The following SCP2 variants were observed in gnomAD, a reference collection of about 807,000 sequenced individuals.
SCP2 encodes sterol carrier protein 2, also known as SCP-2/3-oxoacyl-CoA thiolase.
A neutral mutation model predicts 71.4 loss-of-function variants in SCP2; 48 were observed. The observed-to-expected ratio is 0.67, with a 90% confidence interval of 0.53 to 0.86. SCP2 has a LOEUF of 0.86. Among genes scored for constraint, SCP2 ranks in the 40% least tolerant of loss-of-function variants. The probability of loss-of-function intolerance (pLI) is 0.00; values close to 1 mark genes in which losing one functional copy is unlikely to be tolerated. For missense variants in SCP2, 560 were observed against 655.6 expected (o/e 0.85, Z 1.59); for synonymous variants, 220 against 218.1 (o/e 1.01, Z -0.08).
chr1:52,969,848 A>C (rs546604646), intron 6 of SCP2, among the ~76,000 whole-genome samples: 18 of 123,274 alleles, frequency 1.5e-4, no homozygotes, highest in African/African-American at 2.5e-4. Context: ...AACAAACAAA[A>C]AAAGTGGCCT....
chr1:52,930,039 T>C (rs1652996585), intron 1 of SCP2, among the ~76,000 whole-genome samples: 1 of 152,224 alleles, frequency 6.6e-6, no homozygotes, highest in Admixed American at 6.5e-5. Flanking sequence ...ATTCTACTTA[T>C]CTTTCAAGAA....
intron 14 of SCP2, among the ~76,000 whole-genome samples, chr1:53,044,730 C>T (rs1663678241): frequency 6.6e-6 from 1 of 152,098 alleles, no homozygotes; most frequent in South Asian, 2.1e-4. Flanking sequence ...TAATTGATTG[C>T]CTAAAACGTT....
intron 12 of SCP2, among the ~76,000 whole-genome samples, chr1:53,015,633 C>T (rs919656652): frequency 6.6e-6 from 1 of 152,204 alleles, no homozygotes; most frequent in Admixed American, 6.5e-5. Flanking sequence ...TTTCCTTGTT[C>T]CATGCTTTTG....
chr1:52,971,918 T>A (rs1234160160), intron 6 of SCP2, among the ~76,000 whole-genome samples: 1 of 152,226 alleles, frequency 6.6e-6, no homozygotes, highest in Non-Finnish European at 1.5e-5. Flanking sequence ...AAAGGAGTTC[T>A]GGTTTCTATG....
chr1:52,964,140 C>G (rs1572099241), intron 6 of SCP2, among the ~76,000 whole-genome samples: 1 of 151,262 alleles, frequency 6.6e-6, no homozygotes, highest in East Asian at 1.9e-4. Context: ...ATGAATGTGG[C>G]CAGATTATAA....
At chr1:52,959,939 TG>T (rs1656186635) in intron 5 of SCP2, among the ~76,000 whole-genome samples, 1 of 151,838 alleles carries the variant, frequency 6.6e-6, no homozygotes, top group African/African-American at 2.4e-5. Flanking sequence ...CCGCCCAGGC[TG>T]GAGTGCAATG....
intron 5 of SCP2, among the ~76,000 whole-genome samples, chr1:52,959,873 T>G (rs1656177077): frequency 6.6e-6 from 1 of 151,918 alleles, no homozygotes; most frequent in Non-Finnish European, 1.5e-5. Flanking sequence ...ACGACCAGCT[T>G]TTGTTTTTAC....
At chr1:52,943,676 C>T (rs1654495781) in intron 2 of SCP2, 1 of 429,016 alleles carries the variant, frequency 2.3e-6, no homozygotes, top group Admixed American at 2.8e-5. Context: ...AATAGCTGCA[C>T]TTTGGAAGTG....
rs776111730 is a variant in SCP2 at position 53,014,988 on chromosome 1, A to G, written c.1180A>G (p.Ile394Val). ...GGTGGCTCTGCAGCATAATTTAGGC[A>G]TTGGAGGAGCTGTGGTTGTAACACT... ...AKVALQHNLG[I>V]GGAVVVTLYK... is the part of the protein sequence containing the mutation. Residue 394 changes from isoleucine (I) to valine (V), a missense_variant, in exon 12 of 16, where the codon ATT becomes GTT. By Grantham distance (29) the Ile-to-Val change is conservative. Transcript: ENST00000371514. The G allele has an allele frequency of 6.2e-7, 1 of 1,614,154 alleles. No homozygotes were observed. Among genetic ancestry groups the G allele is most frequent in the Non-Finnish European group, 8.5e-7 (1 of 1,180,014 alleles).
At chr1:52,972,075 C>A (rs759045337) in intron 6 of SCP2, among the ~76,000 whole-genome samples, 1 of 152,144 alleles carries the variant, frequency 6.6e-6, no homozygotes, top group South Asian at 2.1e-4. Flanking sequence ...ATTCTTCATT[C>A]GACAGATTTC....
chr1:52,974,866 C>A, intron 7 of SCP2, 34 bp downstream of exon 7: 1 of 1,011,932 alleles, frequency 9.9e-7, no homozygotes, highest in Non-Finnish European at 1.6e-6. Flanking sequence ...TAATGAAAAT[C>A]TGGGTTATCC....
intron 10 of SCP2, 55 bp from the exon 11 acceptor site, chr1:52,987,974 T>C: frequency 1.1e-6 from 1 of 913,670 alleles, no homozygotes; most frequent in Non-Finnish European, 1.8e-6. Flanking sequence ...TAAAAGCATA[T>C]CATTTGTTCT....
At chr1:52,954,618 G>T (rs1655627537) in intron 4 of SCP2, 122 bp from the exon 5 acceptor site, 2 of 826,932 alleles carry the variant, frequency 2.4e-6, no homozygotes, top group South Asian at 1.4e-5. Flanking sequence ...CCAAACTGAT[G>T]GGACTATAAG....
chr1:53,001,218 A>G (rs1660298172), intron 11 of SCP2, among the ~76,000 whole-genome samples: 1 of 152,158 alleles, frequency 6.6e-6, no homozygotes, highest in Non-Finnish European at 1.5e-5. Context: ...ATAAGTAATT[A>G]TAATACAAGG....
chr1:52,975,819 A>G (rs1443733257), intron 7 of SCP2, among the ~76,000 whole-genome samples: 1 of 152,140 alleles, frequency 6.6e-6, no homozygotes, highest in Admixed American at 6.6e-5. Context: ...TTCTGGCATG[A>G]AGCGCCTAGG....
intron 4 of SCP2, 134 bp downstream of exon 4, chr1:52,951,020 C>A: frequency 1.0e-6 from 1 of 997,280 alleles, no homozygotes; most frequent in Non-Finnish European, 1.6e-6. Flanking sequence ...GTGGCTTATG[C>A]TTGTAACCCT....
At chr1:52,990,304 G>C (rs1431352894) in intron 11 of SCP2, among the ~76,000 whole-genome samples, 1 of 151,900 alleles carries the variant, frequency 6.6e-6, no homozygotes, top group African/African-American at 2.4e-5. Flanking sequence ...AACAATAAAG[G>C]GTGACCTATG....
At chr1:53,024,087 T>A (rs17107630) in intron 12 of SCP2, among the ~76,000 whole-genome samples, 20,808 of 152,046 alleles carry the variant, frequency 0.14, 2,038 homozygotes, top group East Asian at 0.32. Context: ...GGCATACCTG[T>A]TCTGATTTGT....
chr1:52,995,939 C>T (rs910291402), intron 11 of SCP2: 10 of 1,469,974 alleles, frequency 6.8e-6, no homozygotes, highest in East Asian at 2.4e-5. Flanking sequence ...GCAACATGAA[C>T]GACCTCGTCT....
Sources: gnomAD v4.1 joint callset for allele counts (sites outside exome capture counted in the v4.1 genomes callset) on GRCh38, gnomAD v4.1.1 for gene constraint, MANE v1.5 for transcripts, NCBI Gene and HGNC (gene_info 2026-07-23, HGNC 2026-07-21) for gene names.